Variants in ATG4B observed in about 807,000 individuals in gnomAD.
ATG4B encodes the protein autophagy related 4B cysteine peptidase, also known as cysteine protease ATG4B.
Under a neutral mutation model 56.6 loss-of-function variants are expected in ATG4B, and 29 were observed. The ratio of observed to expected loss-of-function variants is 0.51; its 90% CI spans 0.38 to 0.70. ATG4B has a LOEUF of 0.70. Ranked by LOEUF, ATG4B falls within the 30% of genes least tolerant of loss-of-function variation. ATG4B has a pLI of 0.00. For synonymous variants in ATG4B, 224 were observed against 206.1 expected (o/e 1.09, Z -0.74); for missense variants, 461 against 515.5 (o/e 0.89, Z 1.02).
At chr2:241,645,245 G>A (rs1453764305) in intron 1 of ATG4B, among the ~76,000 whole-genome samples, 1 of 152,182 alleles carries the variant, frequency 6.6e-6, no homozygotes, top group Admixed American at 6.5e-5. Context: ...GAGTCTGAGA[G>A]TCTTTATTGG....
intron 1 of ATG4B, 52 bp from the exon 2 acceptor site, chr2:241,650,958 T>G: frequency 6.9e-7 from 1 of 1,458,994 alleles, no homozygotes; most frequent in Non-Finnish European, 9.5e-7. Context: ...CTTTCGATAC[T>G]AGTTTATGAA....
intron 1 of ATG4B, among the ~76,000 whole-genome samples, chr2:241,644,753 C>A (rs930106252): frequency 1.3e-5 from 2 of 152,080 alleles, no homozygotes; most frequent in Non-Finnish European, 2.9e-5. Context: ...AGTTCGAGAC[C>A]AGCCTGACCA....
intron 3 of ATG4B, 46 bp from the exon 4 acceptor site, chr2:241,653,465 TG>T (rs2068282940): frequency 6.4e-7 from 1 of 1,552,826 alleles, no homozygotes; most frequent in East Asian, 2.4e-5. Context: ...TTGTGGCCTG[TG>T]GGGCCATCTG....
chr2:241,660,394 GGAGTGAGGCAGGACTTTATAAGGGA>G (rs1335108254), intron 7 of ATG4B, among the ~76,000 whole-genome samples: 2 of 152,202 alleles, frequency 1.3e-5, no homozygotes, highest in Non-Finnish European at 2.9e-5. Context: ...CACAGCGGAG[GGAGTGAGGCAGGACTTTATAAGGGA>G]GAGTGAGGCT....
Position 241,661,534 on chromosome 2 carries a change from C to T in ATG4B, c.538+2347C>T, listed in dbSNP as rs1481171518. 3.9e-5 allele frequency among the ~76,000 whole-genome samples: 6 copies of T among 152,290 alleles called. No homozygotes were observed. In the East Asian group the frequency reaches 7.7e-4, roughly 20 times the overall value. ...GCAAAGCCGAAGCTAGAGAAACAGACGTGTCCTTGGCTAAGCAAGGACTTT... is the reference window on the plus strand; with the variant it reads ...GCAAAGCCGAAGCTAGAGAAACAGATGTGTCCTTGGCTAAGCAAGGACTTT... On this transcript the variant is annotated intron_variant, in intron 7 of 12. Transcript: ENST00000404914.
intron 12 of ATG4B, 96 bp downstream of exon 12, chr2:241,671,501 T>C (rs1189317409): frequency 6.4e-7 from 1 of 1,557,630 alleles, no homozygotes; most frequent in South Asian, 1.2e-5. Context: ...CATTAAGGTG[T>C]GTGTGAGCCT....
intron 10 of ATG4B, among the ~76,000 whole-genome samples, chr2:241,669,811 GCACA>G (rs1279196110): frequency 3.9e-5 from 6 of 152,184 alleles, no homozygotes; most frequent in Non-Finnish European, 5.9e-5. Context: ...GCAGCCTGGC[GCACA>G]CTTCTTACCA....
chr2:241,671,596 C>G (rs976187239), intron 12 of ATG4B, 191 bp downstream of exon 12: 1 of 1,508,172 alleles, frequency 6.6e-7, no homozygotes, highest in African/African-American at 1.4e-5. Flanking sequence ...GCCCAGCAGC[C>G]CAGGACCCAC....
At chr2:241,653,488 T>C (rs2068284238) in intron 3 of ATG4B, 24 bp from the exon 4 acceptor site, 1 of 1,561,078 alleles carries the variant, frequency 6.4e-7, no homozygotes, top group Non-Finnish European at 8.7e-7. Context: ...CCATGAGCAC[T>C]TCTCTCTCTG....
chr2:241,670,647 C>A, intron 10 of ATG4B, 79 bp from the exon 11 acceptor site: 2 of 1,296,294 alleles, frequency 1.5e-6, no homozygotes, highest in Non-Finnish European at 2.2e-6. Flanking sequence ...GCGCCACTGG[C>A]AGTGGGAATG....
At chr2:241,641,606 T>C (rs533270814) in intron 1 of ATG4B, among the ~76,000 whole-genome samples, 13 of 148,582 alleles carry the variant, frequency 8.7e-5, no homozygotes, top group Non-Finnish European at 1.8e-4. Flanking sequence ...TCCTGTCTGG[T>C]GGGAAGCTTT....
At chr2:241,669,622 C>G (rs36091288) in intron 10 of ATG4B, among the ~76,000 whole-genome samples, 1 of 152,062 alleles carries the variant, frequency 6.6e-6, no homozygotes, top group African/African-American at 2.4e-5. Flanking sequence ...ATTCTCCTGC[C>G]TCAGCCTCTG....
chr2:241,673,478 T>C lies in ATG4B; in HGVS notation c.*1214T>C. On this transcript the variant is annotated 3_prime_UTR_variant, in exon 13 of 13. Coordinates refer to ENST00000404914, the MANE Select transcript of ATG4B (RefSeq NM_013325.5). Reference sequence around the variant, plus strand: ...GACTCGCTGCTGCTGCTGCTGCTTGTGTAGGTCGGGGAGCCAGAGATCCCC... The same window carrying C: ...GACTCGCTGCTGCTGCTGCTGCTTGCGTAGGTCGGGGAGCCAGAGATCCCC... 1 of 419,224 alleles carries C rather than the reference T, an allele frequency of 2.4e-6. No individual in the cohort carries two copies. The highest frequency in any genetic ancestry group is 4.9e-6 in the Non-Finnish European group (1 of 204,714). 26.0% of individuals were successfully genotyped at this position (419,224 alleles called of 1,614,324 possible).
intron 7 of ATG4B, 151 bp from the exon 8 acceptor site, chr2:241,666,494 G>T: frequency 2.5e-6 from 2 of 810,890 alleles, no homozygotes; most frequent in Non-Finnish European, 3.9e-6. Flanking sequence ...ATTTTCTTAC[G>T]CTTTTCTATA....
At position 241,653,543 on chromosome 2, in the gene ATG4B, G is replaced by A. The variant is rs1173382395; in HGVS notation, c.216G>A (p.Trp72Ter). 1 of 1,584,498 alleles carries A rather than the reference G, an allele frequency of 6.3e-7. No individual in the cohort carries two copies. The highest frequency in any genetic ancestry group is 1.8e-5 in the Admixed American group (1 of 55,626). The change falls in exon 4 of 13, where the codon TGG becomes TGA. Residue 72 changes from tryptophan (W) to a stop codon, truncating the protein, a stop_gained. Transcript: ENST00000404914. LOFTEE classifies it high-confidence loss of function. ...CAGGCCCCACCTCGGACACAGGCTG[G>A]GGCTGCATGCTGCGGTGTGGACAGA... ...GGTGPTSDTG[W>*]GCMLRCGQMI...
chr2:241,671,689 A>G, intron 12 of ATG4B: 2 of 1,373,410 alleles, frequency 1.5e-6, no homozygotes, highest in Non-Finnish European at 1.9e-6. Context: ...TCTGGAGCAG[A>G]CAGAACATGC....
chr2:241,651,064 C>T lies in ATG4B; in HGVS notation c.65C>T (p.Thr22Ile), dbSNP rs749706782. Residue 22 changes from threonine (T) to isoleucine (I), a missense_variant, in exon 2 of 13, where the codon ACC becomes ATC. Coordinates refer to ENST00000404914, the MANE Select transcript of ATG4B (RefSeq NM_013325.5). This position sits in a 1 kb window ranked among gnomAD's most constrained non-coding sequence, Gnocchi z 4.1. Reference protein sequence around the residue: ...RFAEFEDFPETSEPVWILGRK... With the variant: ...RFAEFEDFPEISEPVWILGRK... ...GCTGAGTTTGAAGATTTTCCTGAGA[C>T]CTCAGAGCCCGTTTGGATACTGGGT... The T allele has an allele frequency of 6.2e-7, 1 of 1,613,950 alleles. No homozygotes were observed. Among genetic ancestry groups the T allele is most frequent in the Non-Finnish European group, 8.5e-7 (1 of 1,179,868 alleles).
chr2:241,655,894 A>G (rs559885136), intron 6 of ATG4B, among the ~76,000 whole-genome samples: 1 of 152,272 alleles, frequency 6.6e-6, no homozygotes, highest in African/African-American at 2.4e-5. Context: ...CAGTTCCAGA[A>G]ACTTGCCTGT....
intron 3 of ATG4B, among the ~76,000 whole-genome samples, chr2:241,652,671 G>A (rs1347397654): frequency 1.3e-5 from 2 of 152,170 alleles, no homozygotes; most frequent in East Asian, 1.9e-4. Context: ...TCTGAGATAC[G>A]TTTTTATCAG....
Sources: allele counts gnomAD v4.1 joint callset (sites outside exome capture counted in the v4.1 genomes callset), GRCh38; gene constraint gnomAD v4.1.1; non-coding constraint Gnocchi (gnomAD v3.1); transcripts MANE v1.5; gene names NCBI Gene and HGNC (gene_info 2026-07-23, HGNC 2026-07-21).